The following NKAIN2 variants were observed in gnomAD, a reference collection of about 807,000 sequenced individuals.
NKAIN2 encodes the protein sodium/potassium transporting ATPase interacting 2.
Under a neutral mutation model 32.6 loss-of-function variants are expected in NKAIN2, and 14 were observed. The ratio of observed to expected loss-of-function variants is 0.43; its 90% CI spans 0.28 to 0.67. The LOEUF is 0.67. Ranked by LOEUF, NKAIN2 falls within the 30% of genes least tolerant of loss-of-function variation. NKAIN2 has a pLI of 0.17. For synonymous variants in NKAIN2, 80 were observed against 87.2 expected (o/e 0.92, Z 0.46); for missense variants, 198 against 258.3 (o/e 0.77, Z 1.60).
intron 3 of NKAIN2, among the ~76,000 whole-genome samples, chr6:124,360,476 A>G (rs893659576): frequency 6.6e-6 from 1 of 152,142 alleles, no homozygotes; most frequent in Non-Finnish European, 1.5e-5. Flanking sequence ...CCTTTTGATC[A>G]TGTTTTCTTT....
chr6:124,594,931 G>GTT (rs572463942), intron 3 of NKAIN2, among the ~76,000 whole-genome samples: 1 of 152,118 alleles, frequency 6.6e-6, no homozygotes, highest in African/African-American at 2.4e-5. Context: ...ATAGGAAAGT[G>GTT]TTTCTAAGGG....
intron 2 of NKAIN2, among the ~76,000 whole-genome samples, chr6:124,300,167 T>C (rs965168520): frequency 1.3e-5 from 2 of 152,078 alleles, no homozygotes; most frequent in African/African-American, 4.8e-5. Flanking sequence ...ATAATCCCCA[T>C]GTGTCAAGTG....
At chr6:124,735,990 T>G (rs1776918339) in intron 4 of NKAIN2, among the ~76,000 whole-genome samples, 1 of 151,930 alleles carries the variant, frequency 6.6e-6, no homozygotes, top group Non-Finnish European at 1.5e-5. Context: ...TAGAAATGAT[T>G]CAGCTTAGTG....
At chr6:124,606,492 T>C (rs1782504093) in intron 3 of NKAIN2, among the ~76,000 whole-genome samples, 1 of 152,098 alleles carries the variant, frequency 6.6e-6, no homozygotes, top group Non-Finnish European at 1.5e-5. Context: ...GAGTTTTGCT[T>C]TGAAGTATTA....
chr6:124,400,307 C>A (rs1017063663), intron 3 of NKAIN2, among the ~76,000 whole-genome samples: 2 of 151,264 alleles, frequency 1.3e-5, no homozygotes, highest in Non-Finnish European at 2.9e-5. Flanking sequence ...AGTTGAAAAC[C>A]ACTGAGAGAG....
In NKAIN2 at chr6:124,658,473, T is replaced by G. The variant is rs762186577; in HGVS notation, c.474+87T>G. On this transcript the variant is annotated intron_variant, in intron 4 of 6. Transcript: ENST00000368417. Reference sequence around the variant, plus strand: ...ACTCAGTGCACACAAATGGAATCTGTGGGTAAAGTGTGGCCTTTTTGCTTT... The same window carrying G: ...ACTCAGTGCACACAAATGGAATCTGGGGGTAAAGTGTGGCCTTTTTGCTTT... 1.2e-5 allele frequency: 19 copies of G among 1,595,664 alleles called. No individual in the cohort carries two copies. In the South Asian group the frequency reaches 1.7e-4, roughly 14 times the overall value.
At chr6:123,840,953 A>G (rs1003322397) in intron 1 of NKAIN2, among the ~76,000 whole-genome samples, 6 of 152,132 alleles carry the variant, frequency 3.9e-5, no homozygotes, top group African/African-American at 1.4e-4. Flanking sequence ...GAGGCCATCA[A>G]AATTATTACT....
chr6:124,423,101 AT>A (rs1314562198), intron 3 of NKAIN2, among the ~76,000 whole-genome samples: 2 of 152,248 alleles, frequency 1.3e-5, no homozygotes, highest in African/African-American at 4.8e-5. Flanking sequence ...TGATTGTCAA[AT>A]ACAAATGCAC....
chr6:124,781,857 G>A (rs982272448), intron 4 of NKAIN2, among the ~76,000 whole-genome samples: 10 of 151,978 alleles, frequency 6.6e-5, no homozygotes, highest in African/African-American at 2.4e-4. Context: ...GTGACACTTC[G>A]ATTCAGTATT....
chr6:124,248,610 C>G (rs1307170651), intron 1 of NKAIN2, among the ~76,000 whole-genome samples: 1 of 152,002 alleles, frequency 6.6e-6, no homozygotes, highest in Non-Finnish European at 1.5e-5. Flanking sequence ...CAAAAATAAA[C>G]TACCTTAAGT....
intron 4 of NKAIN2, among the ~76,000 whole-genome samples, chr6:124,729,999 C>G (rs1278614521): frequency 1.4e-5 from 2 of 142,372 alleles, no homozygotes; most frequent in Non-Finnish European, 3.0e-5. Context: ...ATCCAACTTA[C>G]AAGGCATGTG....
rs564770841 is a variant in NKAIN2, at chr6:123,853,947, A to T, written c.54+49693A>T. On this transcript the variant is annotated intron_variant, in intron 1 of 6. Transcript: ENST00000368417. ...ACCACCACACCCGGCTAATTTTGGTATTTTTAGTTGAGACGGGGTTTCACC... is the reference window on the plus strand; with the variant it reads ...ACCACCACACCCGGCTAATTTTGGTTTTTTTAGTTGAGACGGGGTTTCACC... Among the ~76,000 whole-genome samples, 19 of 151,872 alleles carry T rather than the reference A, an allele frequency of 1.3e-4. 1 individual carries two copies. The South Asian group carries it at 4.0e-3, about 32-fold the overall frequency.
intron 3 of NKAIN2, among the ~76,000 whole-genome samples, chr6:124,518,633 C>T (rs1779012765): frequency 6.6e-6 from 1 of 152,106 alleles, no homozygotes; most frequent in Non-Finnish European, 1.5e-5. Flanking sequence ...ACCCCCATGA[C>T]TCAAACACTT....
rs1230473898 is a variant in NKAIN2, at chr6:124,754,608, A to G, written c.475-36731A>G. On this transcript the variant is annotated intron_variant, in intron 4 of 6. Coordinates refer to ENST00000368417, the MANE Select transcript of NKAIN2 (RefSeq NM_001040214.3). ...GAGATACCATCTCACACCAGTCAGAATGGCTATTACTAAAAGTTCAAAAAA... is the reference window on the plus strand; with the variant it reads ...GAGATACCATCTCACACCAGTCAGAGTGGCTATTACTAAAAGTTCAAAAAA... Among the ~76,000 whole-genome samples, 4 of 152,144 alleles carry G rather than the reference A, an allele frequency of 2.6e-5. No homozygotes were observed. In the East Asian group the frequency reaches 7.7e-4, roughly 29 times the overall value.
intron 2 of NKAIN2, among the ~76,000 whole-genome samples, chr6:124,285,059 GT>G (rs1458889111): frequency 1.3e-5 from 2 of 152,138 alleles, no homozygotes; most frequent in Non-Finnish European, 2.9e-5. Flanking sequence ...ATTGTTAGAA[GT>G]TTTGTTTTCT....
chr6:124,742,549 G>T (rs1236669401), intron 4 of NKAIN2, among the ~76,000 whole-genome samples: 1 of 151,796 alleles, frequency 6.6e-6, no homozygotes, highest in Non-Finnish European at 1.5e-5. Flanking sequence ...ACAGCCAATG[G>T]TGAGAATTCT....
intron 4 of NKAIN2, among the ~76,000 whole-genome samples, chr6:124,716,708 T>C (rs1240576354): frequency 6.6e-6 from 1 of 152,200 alleles, no homozygotes; most frequent in Admixed American, 6.5e-5. Flanking sequence ...TAGAACCCTC[T>C]TCTCCTGATT....
intron 2 of NKAIN2, among the ~76,000 whole-genome samples, chr6:124,333,398 C>T (rs1230013879): frequency 1.3e-5 from 2 of 152,108 alleles, no homozygotes. Context: ...TGCAGTGTCT[C>T]ATGCCTGTAA....
At chr6:124,216,702 T>C (rs1791495984) in intron 1 of NKAIN2, among the ~76,000 whole-genome samples, 1 of 152,208 alleles carries the variant, frequency 6.6e-6, no homozygotes, top group Non-Finnish European at 1.5e-5. Flanking sequence ...CAGGTATCTG[T>C]TATTGCACCG....
Sources: gnomAD v4.1 joint callset for allele counts (sites outside exome capture counted in the v4.1 genomes callset) on GRCh38, gnomAD v4.1.1 for gene constraint, MANE v1.5 for transcripts, NCBI Gene and HGNC (gene_info 2026-07-23, HGNC 2026-07-21) for gene names.